The following FMN2 variants were observed in gnomAD, a reference collection of about 807,000 sequenced individuals.
FMN2 encodes the protein formin-2.
Under a neutral mutation model 142.3 loss-of-function variants are expected in FMN2, and 51 were observed. That is an observed-to-expected ratio of 0.36 (90% CI 0.29 to 0.45). The LOEUF (loss-of-function observed/expected upper bound fraction) is 0.45. Among genes scored for constraint, FMN2 ranks in the 20% least tolerant of loss-of-function variants. FMN2 has a pLI of 1.00. For synonymous variants in FMN2, 882 were observed against 869.8 expected (o/e 1.01, Z -0.25); for missense variants, 1,936 against 2,122.8 (o/e 0.91, Z 1.73).
At chr1:240,334,014 T>C in intron 12 of FMN2, 68 bp downstream of exon 12, 3 of 1,573,628 alleles carry the variant, frequency 1.9e-6, no homozygotes, top group Non-Finnish European at 2.6e-6. Context: ...GGCAGTACTT[T>C]TTGTTGTTGT....
intron 1 of FMN2, among the ~76,000 whole-genome samples, chr1:240,113,221 C>T (rs1047402180): frequency 5.3e-5 from 8 of 152,020 alleles, no homozygotes; most frequent in African/African-American, 1.2e-4. Flanking sequence ...CAGAGGGAAC[C>T]GGGAAGCCTC....
chr1:240,147,616 C>G (rs927330103), intron 2 of FMN2, among the ~76,000 whole-genome samples: 9 of 152,172 alleles, frequency 5.9e-5, no homozygotes, highest in Non-Finnish European at 1.0e-4. Flanking sequence ...CCTGGGCCCC[C>G]CAAAGTGCTA....
intron 1 of FMN2, among the ~76,000 whole-genome samples, chr1:240,103,273 G>T (rs536515906): frequency 6.6e-6 from 1 of 152,286 alleles, no homozygotes; most frequent in African/African-American, 2.4e-5. Flanking sequence ...TAGGCATGTG[G>T]CTTTAGCTTT....
At position 240,330,698 on chromosome 1, in the gene FMN2, A is replaced by T. The variant is rs1247034783; in HGVS notation, c.4533A>T (p.Ala1511=). The T allele has an allele frequency of 6.2e-7, 1 of 1,613,944 alleles. No homozygotes were observed. Among genetic ancestry groups the T allele is most frequent in the African/African-American group, 1.3e-5 (1 of 74,940 alleles). Residue 1511 remains alanine, a synonymous_variant, in exon 11 of 18, where the codon GCA becomes GCT. Coordinates refer to ENST00000319653, the MANE Select transcript of FMN2 (RefSeq NM_020066.5). ...GAGGAAATAAGACTCGAGGACAGGC[A>T]GATGGCTTTGGATTAGACATTCTTC... ...MNGGNKTRGQ[A]DGFGLDILPK... is the part of the protein sequence containing the mutation.
chr1:240,436,688 A>C (rs1572310414), intron 15 of FMN2, among the ~76,000 whole-genome samples: 1 of 148,722 alleles, frequency 6.7e-6, no homozygotes, highest in South Asian at 2.1e-4. Context: ...AAAAAAAAAA[A>C]AACTCAATAT....
At chr1:240,411,861 G>C (rs952192593) in intron 15 of FMN2, among the ~76,000 whole-genome samples, 1 of 152,156 alleles carries the variant, frequency 6.6e-6, no homozygotes, top group African/African-American at 2.4e-5. Context: ...TGAGAAGTTT[G>C]AGATGGGTAA....
chr1:240,158,093 C>A (rs1415245458), intron 2 of FMN2, among the ~76,000 whole-genome samples: 6 of 151,990 alleles, frequency 3.9e-5, no homozygotes, highest in African/African-American at 1.4e-4. Context: ...TAAGAGCATC[C>A]CCTAATCCCC....
In FMN2 at chr1:240,097,452, T is replaced by A. The variant is rs574730042; in HGVS notation, c.1615+3728T>A. Reference sequence around the variant, plus strand: ...CTCACTGCAAGCTCCGCCTCCTGAGTTCACGCCATTCTCCTGCCTCAGCCT... The same window carrying A: ...CTCACTGCAAGCTCCGCCTCCTGAGATCACGCCATTCTCCTGCCTCAGCCT... On this transcript the variant is annotated intron_variant, in intron 1 of 17. Transcript: ENST00000319653. Among the ~76,000 whole-genome samples the A allele has an allele frequency of 2.0e-5, 3 of 151,850 alleles. No individual in the cohort carries two copies. The East Asian group carries it at 5.9e-4, about 30-fold the overall frequency.
At chr1:240,341,585 G>C (rs1236580923) in intron 13 of FMN2, 1 of 152,198 alleles carries the variant, frequency 6.6e-6, no homozygotes, top group Non-Finnish European at 1.5e-5. Flanking sequence ...CATTAGCTAT[G>C]ACTGTGTTTG....
chr1:240,394,607 T>C (rs1463323163), intron 15 of FMN2, among the ~76,000 whole-genome samples: 1 of 152,174 alleles, frequency 6.6e-6, no homozygotes, highest in African/African-American at 2.4e-5. Flanking sequence ...TGAAACATCT[T>C]CTGTTGGAAG....
At chr1:240,362,895 T>C (rs1672539709) in intron 14 of FMN2, among the ~76,000 whole-genome samples, 1 of 152,232 alleles carries the variant, frequency 6.6e-6, no homozygotes, top group Non-Finnish European at 1.5e-5. Context: ...TTCATACTTC[T>C]ACCCGCCTCC....
At chr1:240,345,931 A>G (rs573877496) in intron 13 of FMN2, among the ~76,000 whole-genome samples, 1 of 152,330 alleles carries the variant, frequency 6.6e-6, no homozygotes, top group South Asian at 2.1e-4. Context: ...ATATTTTTCA[A>G]CAAAATAATA....
rs1225674704 is a variant in FMN2 at position 240,116,164 on chromosome 1, T to G, written c.1616-7015T>G. 3.9e-5 allele frequency among the ~76,000 whole-genome samples: 6 copies of G among 152,174 alleles called. No individual in the cohort carries two copies. In the East Asian group the frequency reaches 1.2e-3, roughly 29 times the overall value. ...GCTAGCTTCTTTTTCACATTCTGTG[T>G]TATCAGTGGGTCTTTGTGACCTGTA... On this transcript the variant is annotated intron_variant, in intron 1 of 17. Coordinates refer to ENST00000319653, the MANE Select transcript of FMN2 (RefSeq NM_020066.5).
At chr1:240,269,012 C>A (rs1339173993) in intron 7 of FMN2, among the ~76,000 whole-genome samples, 2 of 151,924 alleles carry the variant, frequency 1.3e-5, no homozygotes, top group Admixed American at 6.6e-5. Context: ...GTTGTCTCTG[C>A]ACTCTATTGT....
chr1:240,392,235 A>C (rs1416059351), intron 14 of FMN2, among the ~76,000 whole-genome samples: 1 of 152,086 alleles, frequency 6.6e-6, no homozygotes, highest in Admixed American at 6.6e-5. Context: ...TCTCAGGTTA[A>C]TGTGACTGAG....
intron 14 of FMN2, among the ~76,000 whole-genome samples, chr1:240,379,872 A>T (rs1673168995): frequency 6.6e-6 from 1 of 152,182 alleles, no homozygotes; most frequent in African/African-American, 2.4e-5. Flanking sequence ...CCAAGGAAAA[A>T]AAGTGGAAAT....
chr1:240,309,964 G>T (rs989937121), intron 8 of FMN2, among the ~76,000 whole-genome samples: 5 of 152,132 alleles, frequency 3.3e-5, no homozygotes, highest in African/African-American at 1.2e-4. Flanking sequence ...ACATGCACGG[G>T]CTTAGACTTG....
At chr1:240,438,426 C>T (rs552507841) in intron 16 of FMN2, among the ~76,000 whole-genome samples, 2 of 152,260 alleles carry the variant, frequency 1.3e-5, no homozygotes, top group South Asian at 4.1e-4. Context: ...AACTAGGGTG[C>T]TGGCTTGCCA....
At position 240,260,956 on chromosome 1, in the gene FMN2, C is replaced by T. The variant is rs1668603798; in HGVS notation, c.4153+2924C>T. Among the ~76,000 whole-genome samples, 3 of 152,192 alleles carry T rather than the reference C, an allele frequency of 2.0e-5. No homozygotes were observed. In the South Asian group the frequency reaches 6.2e-4, roughly 31 times the overall value. ...AATGTGAGAGATGAGGATCCAGTTT[C>T]ATTCTCCTACAGTGTCTTGCCAATT... On this transcript the variant is annotated intron_variant, in intron 7 of 17. Transcript: ENST00000319653.
Sources: allele counts gnomAD v4.1 joint callset (sites outside exome capture counted in the v4.1 genomes callset), GRCh38; gene constraint gnomAD v4.1.1; transcripts MANE v1.5; gene names NCBI Gene and HGNC (gene_info 2026-07-23, HGNC 2026-07-21).